The following NVL variants were observed in gnomAD, a reference collection of about 807,000 sequenced individuals.
The protein encoded by NVL is nuclear valosin-containing protein-like.
A neutral mutation model predicts 110.2 loss-of-function variants in NVL; 84 were observed. The observed-to-expected ratio is 0.76, with a 90% CI of 0.64 to 0.91. NVL has a LOEUF of 0.91. Among genes scored for constraint, NVL ranks in the 40% least tolerant of loss-of-function variants. NVL has a pLI of 0.00. For missense variants in NVL, 882 were observed against 1,035.9 expected (o/e 0.85, Z 2.04); for synonymous variants, 354 against 361.1 (o/e 0.98, Z 0.22).
chr1:224,281,529 T>G (rs2102595388), intron 15 of NVL, among the ~76,000 whole-genome samples: 1 of 151,660 alleles, frequency 6.6e-6, no homozygotes, highest in East Asian at 2.0e-4. Context: ...CTCAATCTCC[T>G]GACCTCGTGA....
chr1:224,311,045 C>A (rs1310382019), intron 5 of NVL, among the ~76,000 whole-genome samples: 1 of 150,744 alleles, frequency 6.6e-6, no homozygotes, highest in African/African-American at 2.4e-5. Context: ...TTATTCTATT[C>A]CTTACTGATT....
chr1:224,296,785 C>A (rs537268967), intron 10 of NVL, among the ~76,000 whole-genome samples, 167 bp from the exon 11 acceptor site: 1 of 152,244 alleles, frequency 6.6e-6, no homozygotes, highest in South Asian at 2.1e-4. Flanking sequence ...TTTTACCTGA[C>A]TTAAGAGAAC....
chr1:224,252,405 C>T (rs1174696379), intron 18 of NVL, among the ~76,000 whole-genome samples: 1 of 152,104 alleles, frequency 6.6e-6, no homozygotes, highest in East Asian at 1.9e-4. Flanking sequence ...AGTCCCTTAA[C>T]CATTAATATG....
At chr1:224,290,492 A>G (rs1275554237) in intron 12 of NVL, among the ~76,000 whole-genome samples, 1 of 152,122 alleles carries the variant, frequency 6.6e-6, no homozygotes, top group Non-Finnish European at 1.5e-5. Flanking sequence ...TCCCGTCTCT[A>G]CTAAACATAC....
chr1:224,289,953 T>C lies in NVL; in HGVS notation c.1326-220A>G, dbSNP rs368267198. 1.3e-3 allele frequency among the ~76,000 whole-genome samples: 201 copies of C among 152,368 alleles called. 11 individuals are homozygous for C. In the South Asian group the frequency reaches 0.041, roughly 31 times the overall value. On this transcript the variant is annotated intron_variant, in intron 12 of 22. Coordinates refer to ENST00000281701, the MANE Select transcript of NVL (RefSeq NM_002533.4). The stretch of plus-strand genomic sequence containing the variant: ...TAAATATCTGCTTTGTTAGGAAACA[T>C]GCTAAGTGCTGTGACGAATACATAG...
At chr1:224,298,280 A>G in intron 10 of NVL, 1 of 286,320 alleles carries the variant, frequency 3.5e-6, no homozygotes, top group Non-Finnish European at 6.7e-6. Context: ...TCAAAAAGGA[A>G]TGTCCCACAA....
At chr1:224,276,623 G>A (rs974331108) in intron 16 of NVL, among the ~76,000 whole-genome samples, 4 of 152,082 alleles carry the variant, frequency 2.6e-5, no homozygotes, top group African/African-American at 4.8e-5. Flanking sequence ...TACCACAGAC[G>A]ACAGAGATTA....
intron 19 of NVL, among the ~76,000 whole-genome samples, chr1:224,242,163 T>C (rs907167630): frequency 2.6e-5 from 4 of 152,118 alleles, no homozygotes; most frequent in African/African-American, 9.7e-5. Flanking sequence ...AATGGGCAGT[T>C]TGTGTTTAAT....
intron 17 of NVL, among the ~76,000 whole-genome samples, chr1:224,273,057 A>AT (rs1665338574): frequency 7.9e-6 from 1 of 125,860 alleles, no homozygotes; most frequent in African/African-American, 3.2e-5. Flanking sequence ...AAAAACAAAC[A>AT]AACAAAAAAA....
chr1:224,234,235 A>G (rs73128421), intron 20 of NVL, among the ~76,000 whole-genome samples: 1,911 of 152,288 alleles, frequency 0.013, 36 homozygotes, highest in African/African-American at 0.044. Flanking sequence ...TCTGAGTTCA[A>G]TGAAAGACAC....
chr1:224,254,493 A>C (rs922571674), intron 18 of NVL, among the ~76,000 whole-genome samples: 9 of 145,374 alleles, frequency 6.2e-5, no homozygotes, highest in African/African-American at 2.3e-4. Flanking sequence ...CCTGGATTCA[A>C]GTGATTCTCC....
At chr1:224,297,327 G>A (rs1667975294) in intron 10 of NVL, among the ~76,000 whole-genome samples, 2 of 152,200 alleles carry the variant, frequency 1.3e-5, no homozygotes, top group Non-Finnish European at 2.9e-5. Flanking sequence ...ATACATCAGT[G>A]TAAAGATCAC....
At chr1:224,245,316 C>T (rs1160142020) in intron 19 of NVL, among the ~76,000 whole-genome samples, 2 of 152,222 alleles carry the variant, frequency 1.3e-5, no homozygotes, top group Non-Finnish European at 2.9e-5. Context: ...TCCTCTTCCT[C>T]TCAATCTGCC....
At chr1:224,250,758 T>C (rs1425800348) in intron 18 of NVL, among the ~76,000 whole-genome samples, 2 of 152,154 alleles carry the variant, frequency 1.3e-5, no homozygotes. Context: ...GTATCATTCT[T>C]ATGCTTTGTG....
intron 10 of NVL, 62 bp from the exon 11 acceptor site, chr1:224,296,680 T>C: frequency 1.0e-6 from 1 of 989,832 alleles, no homozygotes. Context: ...GAAGCACAAT[T>C]AAGCATATAC....
intron 18 of NVL, among the ~76,000 whole-genome samples, chr1:224,258,979 TAAAAA>T (rs34767555): frequency 6.6e-5 from 4 of 60,206 alleles, no homozygotes; most frequent in Non-Finnish European, 6.4e-5. Flanking sequence ...GTCTCTACAT[TAAAAA>T]AAAAAAAAAA....
chr1:224,286,108 T>A lies in NVL; in HGVS notation c.1817A>T (p.Gln606Leu). 7.4e-6 allele frequency: 12 copies of A among 1,614,022 alleles called. No individual in the cohort carries two copies. Among genetic ancestry groups the A allele is most frequent in the Non-Finnish European group, 1.0e-5 (12 of 1,179,926 alleles). ...AILAPVRNPD[Q>L]FKALGLVTPA... ...AGTCACCAATCCAAGAGCTTTGAAC[T>A]GGTCTGGGTTGCGTACTGGTGCCTG... The change falls in exon 15 of 23, where the codon CAG becomes CTG. Residue 606 changes from glutamine to leucine, a missense_variant. By Grantham distance (113) the Gln-to-Leu change is moderately radical. Transcript: ENST00000281701.
Position 224,294,250 on chromosome 1 carries a change from A to T in NVL, c.1325+17T>A. 2 of 1,613,326 alleles carry T rather than the reference A, an allele frequency of 1.2e-6. No homozygotes were observed. The highest frequency in any genetic ancestry group is 2.2e-5 in the South Asian group (2 of 91,068). ...GATGACTTAGTGGCATACAAACTTC[A>T]TTCTATAAGAATATACCTTTCCCTG... On this transcript the variant is annotated intron_variant, in intron 12 of 22. Transcript: ENST00000281701.
chr1:224,271,735 A>G (rs73128468), intron 17 of NVL, among the ~76,000 whole-genome samples: 21,792 of 152,150 alleles, frequency 0.14, 3,079 homozygotes, highest in African/African-American at 0.37. Flanking sequence ...TACATTTGCC[A>G]GGCGCGGTGG....
Sources: allele counts gnomAD v4.1 joint callset (sites outside exome capture counted in the v4.1 genomes callset), GRCh38; gene constraint gnomAD v4.1.1; transcripts MANE v1.5; gene names NCBI Gene and HGNC (gene_info 2026-07-23, HGNC 2026-07-21).